The following ZNF257 variants were observed in gnomAD, a reference collection of about 807,000 sequenced individuals.
ZNF257 encodes bone marrow zinc finger 4.
In ZNF257, 12 loss-of-function variants were observed where a neutral mutation model predicts 11.9. That is an observed-to-expected ratio of 1.01 (90% CI 0.65 to 1.63). The LOEUF (loss-of-function observed/expected upper bound fraction) is 1.63, where lower values mean the gene tolerates loss of function less well. ZNF257 is among the 40% of genes most tolerant of loss of function. The probability of loss-of-function intolerance (pLI) is 0.00; values close to 1 mark genes in which losing one functional copy is unlikely to be tolerated. For synonymous variants in ZNF257, 183 were observed against 222.7 expected, an observed-to-expected ratio of 0.82 and a Z score of 1.59; for missense variants, 580 against 665.5, an observed-to-expected ratio of 0.87 and a Z score of 1.41.
At chr19:22,056,069 AAAG>A (rs1452869477) in intron 1 of ZNF257, among the ~76,000 whole-genome samples, 3 of 151,802 alleles carry the variant, frequency 2.0e-5, no homozygotes, top group Non-Finnish European at 4.4e-5. Flanking sequence ...AAAAAAAAAA[AAAG>A]AAAAGAATTG....
At chr19:22,087,587 C>T (rs1239825415) in intron 3 of ZNF257, 1 of 1,229,636 alleles carries the variant, frequency 8.1e-7, no homozygotes, top group Non-Finnish European at 1.0e-6. Context: ...AAAAGCCAGA[C>T]ATAGAAATGT....
intron 1 of ZNF257, among the ~76,000 whole-genome samples, chr19:22,059,689 T>C (rs2021742690): frequency 6.6e-6 from 1 of 151,344 alleles, no homozygotes; most frequent in Non-Finnish European, 1.5e-5. Flanking sequence ...ATGATGCTTA[T>C]GTACCATATT....
intron 1 of ZNF257, among the ~76,000 whole-genome samples, chr19:22,071,349 C>T (rs1004490928): frequency 3.3e-5 from 5 of 151,992 alleles, no homozygotes; most frequent in African/African-American, 1.2e-4. Flanking sequence ...TTGGTCCTGC[C>T]AGTGGGTGTG....
Position 22,089,243 on chromosome 19 carries a change from G to A in ZNF257, c.1493G>A (p.Arg498Gln), listed in dbSNP as rs757091730. ...KCEECGKAFN[R>Q]SSHLSQHKII... ...GAAGAATGTGGCAAAGCCTTTAACC[G>A]GTCTTCACACCTTTCTCAACATAAG... Residue 498 changes from arginine to glutamine, a missense_variant, in exon 4 of 4, where the codon CGG becomes CAG. Transcript: ENST00000594947. 29 of 1,612,364 alleles carry A rather than the reference G, an allele frequency of 1.8e-5. No individual in the cohort carries two copies. Among genetic ancestry groups the A allele is most frequent in the East Asian group, 4.5e-5 (2 of 44,788 alleles).
At chr19:22,085,554 CTT>C (rs1338808965) in intron 3 of ZNF257, among the ~76,000 whole-genome samples, 1 of 147,060 alleles carries the variant, frequency 6.8e-6, no homozygotes, top group African/African-American at 2.5e-5. Flanking sequence ...TTAATATTCT[CTT>C]GTTTTATTAT....
chr19:22,078,252 A>T (rs2022277570), intron 3 of ZNF257, among the ~76,000 whole-genome samples: 1 of 151,040 alleles, frequency 6.6e-6, no homozygotes, highest in African/African-American at 2.4e-5. Context: ...AAAAAAAAAA[A>T]AAAAAATTAT....
At chr19:22,087,338 T>G (rs2022498371) in intron 3 of ZNF257, among the ~76,000 whole-genome samples, 1 of 152,064 alleles carries the variant, frequency 6.6e-6, no homozygotes, top group African/African-American at 2.4e-5. Context: ...TTCAAACATG[T>G]TCTTAGAGTG....
At chr19:22,052,687 C>T in intron 1 of ZNF257, 52 bp downstream of exon 1, 1 of 1,601,288 alleles carries the variant, frequency 6.2e-7, no homozygotes, top group Non-Finnish European at 8.5e-7. Context: ...GTGGTTGGAA[C>T]CTGTGGGAAG....
rs759231887 is a variant in ZNF257 at position 22,088,766 on chromosome 19, C to T, written c.1016C>T (p.Thr339Ile). The change falls in exon 4 of 4, where the codon ACT (threonine) becomes ATT (isoleucine). Residue 339 changes from threonine (T) to isoleucine (I), a missense_variant. Transcript: ENST00000594947. ...SALTRHKMIH[T>I]GEKPFQCEEC... Reference sequence around the variant, plus strand: ...CTTACTCGACATAAGATGATTCATACTGGAGAGAAACCCTTCCAATGTGAA... The same window carrying T: ...CTTACTCGACATAAGATGATTCATATTGGAGAGAAACCCTTCCAATGTGAA... 1.9e-6 allele frequency: 3 copies of T among 1,612,522 alleles called. No individual in the cohort carries two copies. Among genetic ancestry groups the T allele is most frequent in the East Asian group, 2.2e-5 (1 of 44,738 alleles).
chr19:22,053,229 G>T (rs1002930175), intron 1 of ZNF257, among the ~76,000 whole-genome samples: 1 of 152,022 alleles, frequency 6.6e-6, no homozygotes, highest in Middle Eastern at 3.4e-3. Context: ...ATTAGCGGGC[G>T]TGGTGGCATG....
At chr19:22,058,705 G>C (rs2145685723) in intron 1 of ZNF257, among the ~76,000 whole-genome samples, 1 of 152,180 alleles carries the variant, frequency 6.6e-6, no homozygotes, top group African/African-American at 2.4e-5. Flanking sequence ...TGTGATTCTA[G>C]GTCTCCTCCC....
At position 22,088,403 on chromosome 19, in the gene ZNF257, G is replaced by A. The variant is rs755947286; in HGVS notation, c.653G>A (p.Arg218Gln). The part of the protein sequence containing the change: ...KAFNQSSALT[R>Q]HKMTHTGEKP... ...TTTAACCAGTCCTCAGCTCTTACTCGACATAAGATGACTCATACTGGAGAG... is the reference window on the plus strand; with the variant it reads ...TTTAACCAGTCCTCAGCTCTTACTCAACATAAGATGACTCATACTGGAGAG... The change falls in exon 4 of 4, where the codon CGA (arginine) becomes CAA (glutamine). Residue 218 changes from arginine (R) to glutamine (Q), a missense_variant. Coordinates refer to ENST00000594947, the MANE Select transcript of ZNF257 (RefSeq NM_033468.4). 38 of 1,612,062 alleles carry A rather than the reference G, an allele frequency of 2.4e-5. No homozygotes were observed. The highest frequency in any genetic ancestry group is 4.0e-5 in the African/African-American group (3 of 74,292).
At chr19:22,062,729 G>T (rs550915373) in intron 1 of ZNF257, among the ~76,000 whole-genome samples, 1 of 152,030 alleles carries the variant, frequency 6.6e-6, no homozygotes, top group African/African-American at 2.4e-5. Flanking sequence ...TGAGCTGCCC[G>T]CCTTGGCCTC....
intron 1 of ZNF257, among the ~76,000 whole-genome samples, chr19:22,057,763 G>A (rs1413843330): frequency 6.6e-6 from 1 of 152,120 alleles, no homozygotes; most frequent in Non-Finnish European, 1.5e-5. Flanking sequence ...GAAATAACTA[G>A]ATTTGAGATC....
chr19:22,073,675 T>C lies in ZNF257; in HGVS notation c.226+111T>C, dbSNP rs115822285. On this transcript the variant is annotated intron_variant, in intron 3 of 3. Coordinates refer to ENST00000594947, the MANE Select transcript of ZNF257 (RefSeq NM_033468.4). ...TTCGGAAGCTGTATTCCAAGGGATA[T>C]AGTTTCTGGAAGCCTGAGTTTGCAT... 11,649 of 1,369,094 alleles carry C rather than the reference T, an allele frequency of 8.5e-3. 72 individuals are homozygous for C. The highest frequency in any genetic ancestry group is 0.012 in the African/African-American group (745 of 64,708). The allele number at this position is 1,369,094 out of a possible 1,614,324, so 84.8% of individuals were successfully genotyped here.
chr19:22,073,739 T>C (rs2145704055), intron 3 of ZNF257, among the ~76,000 whole-genome samples, 175 bp downstream of exon 3: 1 of 152,294 alleles, frequency 6.6e-6, no homozygotes, highest in South Asian at 2.1e-4. Flanking sequence ...CATTTCTGTC[T>C]TATGCTTTTA....
intron 1 of ZNF257, among the ~76,000 whole-genome samples, chr19:22,063,903 T>C (rs2021871632): frequency 6.6e-6 from 1 of 152,240 alleles, no homozygotes; most frequent in African/African-American, 2.4e-5. Context: ...CATACTGTTA[T>C]CTTTGTTTAT....
At chr19:22,073,006 G>A in intron 2 of ZNF257, 71 bp downstream of exon 2, 1 of 1,256,692 alleles carries the variant, frequency 8.0e-7, no homozygotes, top group Non-Finnish European at 1.0e-6. Context: ...TTTTTTTTTT[G>A]TAGAATGTTT....
At position 22,052,485 on chromosome 19, in the gene ZNF257, C is replaced by CTT. The variant is rs1178460975; in HGVS notation, c.-146_-145dup. On this transcript the variant is annotated 5_prime_UTR_variant, in exon 1 of 4. Transcript: ENST00000594947. ...GGGTGGCTTCCGGGTTTGGCGGGTACTTTGTCTCTCGCTCTAGCCCGAGCT... is the reference window on the plus strand; with the variant it reads ...GGGTGGCTTCCGGGTTTGGCGGGTACTTTTTGTCTCTCGCTCTAGCCCGAGCT... 3.3e-6 allele frequency: 3 copies of CTT among 919,624 alleles called. No individual in the cohort carries two copies. Among genetic ancestry groups the CTT allele is most frequent in the African/African-American group, 3.4e-5 (2 of 59,614 alleles). 57.0% of individuals were successfully genotyped at this position (919,624 alleles called of 1,614,324 possible). A position where few individuals can be genotyped will look rare whatever the true frequency, so the allele number is the denominator to read the frequency against.
Sources: gnomAD v4.1 joint callset for allele counts (sites outside exome capture counted in the v4.1 genomes callset) on GRCh38, gnomAD v4.1.1 for gene constraint, MANE v1.5 for transcripts, NCBI Gene and HGNC (gene_info 2026-07-23, HGNC 2026-07-21) for gene names.